Variants in TBC1D19 observed in about 807,000 individuals in gnomAD.
TBC1D19 encodes the protein TBC1 domain family member 19, also known as TBC1 domain family, member 19.
TBC1D19 carries 60 observed loss-of-function variants against 89.0 expected under a neutral mutation model. The ratio of observed to expected loss-of-function variants is 0.67; its 90% confidence interval spans 0.55 to 0.84. The LOEUF (loss-of-function observed/expected upper bound fraction) is 0.84, where lower values mean the gene tolerates loss of function less well. TBC1D19 is among the 40% of genes least tolerant of loss of function. TBC1D19 has a pLI of 0.00. For missense variants in TBC1D19, 500 were observed against 610.8 expected, an observed-to-expected ratio of 0.82 and a Z score of 1.91; for synonymous variants, 189 against 199.7, an observed-to-expected ratio of 0.95 and a Z score of 0.45.
the TBC1D19 span, among the ~76,000 whole-genome samples, chr4:26,775,303 A>C: frequency 6.6e-6 from 1 of 152,134 alleles, no homozygotes; most frequent in Non-Finnish European, 1.5e-5. Context: ...CATTTTTAAA[A>C]ATTAACCAGA....
At chr4:26,781,798 ATTTT>A in the TBC1D19 span, among the ~76,000 whole-genome samples, 1 of 146,558 alleles carries the variant, frequency 6.8e-6, no homozygotes, top group Non-Finnish European at 1.5e-5. Context: ...ATCAAGGTTG[ATTTT>A]TTTTTTTTTG....
chr4:26,756,532 T>A (rs1401865671), downstream of TBC1D19, among the ~76,000 whole-genome samples: 1 of 152,190 alleles, frequency 6.6e-6, no homozygotes, highest in African/African-American at 2.4e-5. Flanking sequence ...GTAAGCTTTC[T>A]TATCTGTAAC....
At chr4:26,842,639 T>C in the TBC1D19 span, among the ~76,000 whole-genome samples, 313 of 147,440 alleles carry the variant, frequency 2.1e-3, 3 homozygotes, top group African/African-American at 7.8e-3. Context: ...TTTCTTTCTT[T>C]CTTTCTTTTT....
At chr4:26,854,545 T>C in the TBC1D19 span, among the ~76,000 whole-genome samples, 2 of 152,180 alleles carry the variant, frequency 1.3e-5, no homozygotes, top group African/African-American at 4.8e-5. Context: ...CTTTACACCA[T>C]AACAGCATCC....
chr4:26,704,314 G>GT (rs11430363), intron 13 of TBC1D19, among the ~76,000 whole-genome samples: 7,810 of 152,152 alleles, frequency 0.051, 705 homozygotes, highest in African/African-American at 0.18. Flanking sequence ...CACAAACTAC[G>GT]TAAGTTAACA....
intron 18 of TBC1D19, among the ~76,000 whole-genome samples, chr4:26,747,297 T>G (rs535794422): frequency 2.6e-4 from 39 of 152,322 alleles, no homozygotes; most frequent in African/African-American, 9.4e-4. Flanking sequence ...TTAATAATTT[T>G]GACTTTAAAT....
At chr4:26,606,476 C>A (rs1201192782) in intron 1 of TBC1D19, among the ~76,000 whole-genome samples, 2 of 152,032 alleles carry the variant, frequency 1.3e-5, no homozygotes, top group Non-Finnish European at 2.9e-5. Flanking sequence ...TTCTGTGACC[C>A]CAGGATGGAG....
At chr4:26,614,337 A>C in intron 2 of TBC1D19, 71 bp from the exon 3 acceptor site, 1 of 1,115,682 alleles carries the variant, frequency 9.0e-7, no homozygotes. Flanking sequence ...TATTGAGATA[A>C]ATTTAATTGT....
intron 10 of TBC1D19, among the ~76,000 whole-genome samples, chr4:26,673,446 T>TATATATACACACACACACACACACAC (rs373807642): frequency 2.2e-5 from 2 of 90,884 alleles, no homozygotes; most frequent in East Asian, 3.3e-4. Flanking sequence ...TATATATATA[T>TATATATACACACACACACACACACAC]ACACACACAC....
chr4:26,672,817 A>G (rs1712436216), intron 10 of TBC1D19, among the ~76,000 whole-genome samples: 1 of 151,916 alleles, frequency 6.6e-6, no homozygotes. Context: ...AATTGTATTT[A>G]TTTAGAATTT....
At chr4:26,817,977 A>ATATATATATATATATATATAT in the TBC1D19 span, among the ~76,000 whole-genome samples, 2 of 105,494 alleles carry the variant, frequency 1.9e-5, no homozygotes, top group African/African-American at 9.5e-5. Context: ...TTAAAAAAAA[A>ATATATATATATATATATATAT]AAAAATATAT....
the TBC1D19 span, among the ~76,000 whole-genome samples, chr4:26,834,651 A>T: frequency 6.6e-6 from 1 of 152,010 alleles, no homozygotes; most frequent in Non-Finnish European, 1.5e-5. Context: ...AGAGACCAAA[A>T]CTACTCACCC....
the TBC1D19 span, among the ~76,000 whole-genome samples, chr4:26,779,428 G>A: frequency 6.6e-5 from 10 of 152,206 alleles, no homozygotes; most frequent in South Asian, 2.1e-4. Context: ...GGATCAGGCT[G>A]CTGCTTGCAG....
At chr4:26,660,990 A>T (rs990105704) in intron 8 of TBC1D19, among the ~76,000 whole-genome samples, 3 of 152,182 alleles carry the variant, frequency 2.0e-5, no homozygotes, top group African/African-American at 7.2e-5. Flanking sequence ...TTTTCTCCAT[A>T]GAGCCTTAGA....
intron 3 of TBC1D19, among the ~76,000 whole-genome samples, chr4:26,619,399 G>T (rs1021303699): frequency 6.6e-6 from 1 of 151,990 alleles, no homozygotes; most frequent in African/African-American, 2.4e-5. Flanking sequence ...TAGAGACGGG[G>T]TTTCACCATG....
intron 4 of TBC1D19, among the ~76,000 whole-genome samples, chr4:26,626,841 T>A (rs1244334190): frequency 6.7e-6 from 1 of 149,292 alleles, no homozygotes. Flanking sequence ...TTATTTTTAT[T>A]TATTTTATTT....
the TBC1D19 span, among the ~76,000 whole-genome samples, chr4:26,828,229 G>A: frequency 6.6e-6 from 1 of 152,204 alleles, no homozygotes; most frequent in Non-Finnish European, 1.5e-5. Context: ...TAGACTTAAA[G>A]TATGTCATTG....
chr4:26,766,319 T>C, the TBC1D19 span, among the ~76,000 whole-genome samples: 15 of 152,334 alleles, frequency 9.8e-5, no homozygotes, highest in Admixed American at 7.8e-4. Context: ...AATGGAGCAC[T>C]GTATGAGGAA....
At chr4:26,740,324 T>C (rs1311405076) in intron 17 of TBC1D19, among the ~76,000 whole-genome samples, 1 of 152,200 alleles carries the variant, frequency 6.6e-6, no homozygotes, top group Non-Finnish European at 1.5e-5. Flanking sequence ...TCTAGTGCTG[T>C]AGAAAAGTCT....
Sources: allele counts gnomAD v4.1 joint callset (sites outside exome capture counted in the v4.1 genomes callset), GRCh38; gene constraint gnomAD v4.1.1; transcripts MANE v1.5; gene names NCBI Gene and HGNC (gene_info 2026-07-23, HGNC 2026-07-21).